TOX: variants seen among roughly 807,000 people sequenced by gnomAD.
The protein encoded by TOX is thymocyte selection-associated high mobility group box protein TOX.
Under a neutral mutation model 53.7 loss-of-function variants are expected in TOX, and 11 were observed. That is an observed-to-expected ratio of 0.20 (90% confidence interval 0.13 to 0.34). TOX has a LOEUF of 0.34. Ranked by LOEUF, TOX falls within the 10% of genes least tolerant of loss-of-function variation. The pLI is 1.00. For missense variants in TOX, 570 were observed against 664.6 expected, an observed-to-expected ratio of 0.86 and a Z score of 1.56; for synonymous variants, 225 against 245.3, an observed-to-expected ratio of 0.92 and a Z score of 0.77.
intron 2 of TOX, among the ~76,000 whole-genome samples, chr8:58,944,889 T>C (rs1447014933): frequency 1.3e-5 from 2 of 152,228 alleles, no homozygotes; most frequent in East Asian, 1.9e-4. Flanking sequence ...ATATTTGCCA[T>C]TGATTAGGCC....
intron 1 of TOX, among the ~76,000 whole-genome samples, chr8:59,074,514 G>A (rs1804258691): frequency 6.6e-6 from 1 of 152,042 alleles, no homozygotes; most frequent in Admixed American, 6.5e-5. Context: ...GGCCCCCGAC[G>A]GATGAATCTT....
chr8:58,810,638 C>G (rs1810061975), intron 7 of TOX, among the ~76,000 whole-genome samples: 1 of 152,120 alleles, frequency 6.6e-6, no homozygotes, highest in African/African-American at 2.4e-5. Context: ...CACGAGTGAG[C>G]TACCATGCTT....
At chr8:58,996,028 G>A (rs951614848) in intron 1 of TOX, among the ~76,000 whole-genome samples, 19 of 152,150 alleles carry the variant, frequency 1.2e-4, no homozygotes, top group African/African-American at 3.9e-4. Context: ...AATAAATATG[G>A]AAATCTATTC....
intron 1 of TOX, among the ~76,000 whole-genome samples, chr8:59,044,076 G>T (rs1462908892): frequency 6.6e-6 from 1 of 151,988 alleles, no homozygotes; most frequent in Non-Finnish European, 1.5e-5. Flanking sequence ...GCCAGCTCTG[G>T]TGTAACACTT....
intron 3 of TOX, among the ~76,000 whole-genome samples, chr8:58,883,403 A>G (rs1450535845): frequency 6.6e-6 from 1 of 152,248 alleles, no homozygotes; most frequent in African/African-American, 2.4e-5. Context: ...CTAAAACCTT[A>G]GAAAATTATA....
At chr8:58,828,733 A>G (rs2129166026) in intron 5 of TOX, among the ~76,000 whole-genome samples, 1 of 152,014 alleles carries the variant, frequency 6.6e-6, no homozygotes, top group East Asian at 1.9e-4. Flanking sequence ...TGAGAGACAG[A>G]TTTCTGTTTA....
At chr8:58,967,023 C>T (rs1274326531) in intron 1 of TOX, among the ~76,000 whole-genome samples, 3 of 151,868 alleles carry the variant, frequency 2.0e-5, no homozygotes, top group Non-Finnish European at 2.9e-5. Context: ...TACGGGCGCC[C>T]GCCACCACGC....
At chr8:58,839,997 G>T (rs530504244) in intron 4 of TOX, among the ~76,000 whole-genome samples, 6 of 152,222 alleles carry the variant, frequency 3.9e-5, no homozygotes, top group African/African-American at 1.4e-4. Flanking sequence ...GACTAAGATG[G>T]TATATATTTA....
At chr8:58,809,162 C>A (rs1273202587) in intron 7 of TOX, among the ~76,000 whole-genome samples, 1 of 152,126 alleles carries the variant, frequency 6.6e-6, no homozygotes, top group African/African-American at 2.4e-5. Flanking sequence ...CTGGAAATGA[C>A]CAAAAAGGCA....
chr8:58,865,077 T>C (rs1811074124), intron 3 of TOX, among the ~76,000 whole-genome samples: 2 of 152,140 alleles, frequency 1.3e-5, no homozygotes, highest in African/African-American at 4.8e-5. Context: ...ATCTCTCCCA[T>C]GCAATCTAAC....
chr8:58,806,041 T>C lies in TOX; in HGVS notation c.*1706A>G, dbSNP rs1809968631. 6.6e-6 allele frequency: 1 copy of C among 152,638 alleles called. No homozygotes were observed. Among genetic ancestry groups the C allele is most frequent in the Non-Finnish European group, 1.5e-5 (1 of 68,046 alleles). 9.5% of individuals were successfully genotyped at this position (152,638 alleles called of 1,614,324 possible). On this transcript the variant is annotated 3_prime_UTR_variant, in exon 9 of 9. Transcript: ENST00000361421. ...TTTCCAACCAGACTAACTTTCTTGATATGATCCCCTAAAAAGGAGTAAATC... is the reference window on the plus strand; with the variant it reads ...TTTCCAACCAGACTAACTTTCTTGACATGATCCCCTAAAAAGGAGTAAATC...
intron 1 of TOX, among the ~76,000 whole-genome samples, chr8:59,000,667 A>G (rs1399772376): frequency 1.3e-5 from 2 of 152,202 alleles, no homozygotes; most frequent in Non-Finnish European, 2.9e-5. Flanking sequence ...GCTCCAGGTC[A>G]GTGCTGCCAT....
At chr8:58,846,767 T>G (rs1810725849) in intron 4 of TOX, among the ~76,000 whole-genome samples, 1 of 151,964 alleles carries the variant, frequency 6.6e-6, no homozygotes, top group Non-Finnish European at 1.5e-5. Flanking sequence ...GAGTTAAGAG[T>G]GCAATAGACA....
At chr8:59,054,763 G>A (rs1292756749) in intron 1 of TOX, among the ~76,000 whole-genome samples, 1 of 148,474 alleles carries the variant, frequency 6.7e-6, no homozygotes, top group African/African-American at 2.5e-5. Flanking sequence ...GCCACCACAA[G>A]CTCATAGTGA....
chr8:59,016,833 G>T (rs910136349), intron 1 of TOX, among the ~76,000 whole-genome samples: 1 of 152,178 alleles, frequency 6.6e-6, no homozygotes, highest in South Asian at 2.1e-4. Flanking sequence ...CATTCCATTT[G>T]CTTTACCTGT....
intron 1 of TOX, among the ~76,000 whole-genome samples, chr8:58,997,737 A>C (rs1324477306): frequency 6.6e-6 from 1 of 152,164 alleles, no homozygotes; most frequent in African/African-American, 2.4e-5. Flanking sequence ...AATACATTTA[A>C]ATTTATATAT....
At chr8:58,877,487 C>T (rs573151435) in intron 3 of TOX, among the ~76,000 whole-genome samples, 1 of 152,316 alleles carries the variant, frequency 6.6e-6, no homozygotes, top group South Asian at 2.1e-4. Flanking sequence ...AATGTATTCA[C>T]TTTCTCGATC....
intron 3 of TOX, among the ~76,000 whole-genome samples, chr8:58,928,793 T>TCATCATA (rs1157362913): frequency 6.6e-6 from 1 of 152,212 alleles, no homozygotes; most frequent in Admixed American, 6.5e-5. Context: ...CCATAGCATT[T>TCATCATA]GCAAGTTTCA....
chr8:59,078,632 TCA>T (rs1302851400), intron 1 of TOX, among the ~76,000 whole-genome samples: 1 of 152,140 alleles, frequency 6.6e-6, no homozygotes, highest in Admixed American at 6.5e-5. Context: ...TATAAATTAC[TCA>T]GTCTCAGGTA....
Sources: gnomAD v4.1 joint callset for allele counts (sites outside exome capture counted in the v4.1 genomes callset) on GRCh38, gnomAD v4.1.1 for gene constraint, MANE v1.5 for transcripts, NCBI Gene and HGNC (gene_info 2026-07-23, HGNC 2026-07-21) for gene names.